PTPRG: variants seen among roughly 807,000 people sequenced by gnomAD.
The protein encoded by PTPRG is receptor-type tyrosine-protein phosphatase gamma.
In PTPRG, 102 loss-of-function variants were observed where a neutral mutation model predicts 165.3. The observed-to-expected ratio is 0.62, with a 90% CI of 0.53 to 0.73. PTPRG has a LOEUF of 0.73. Among genes scored for constraint, PTPRG ranks in the 30% least tolerant of loss-of-function variants. The pLI is 0.00. For synonymous variants in PTPRG, 675 were observed against 669.5 expected (o/e 1.01, Z -0.13); for missense variants, 1,866 against 1,861.4 (o/e 1.00, Z -0.05).
intron 1 of PTPRG, among the ~76,000 whole-genome samples, chr3:61,629,306 C>G (rs1701701712): frequency 6.6e-6 from 1 of 152,236 alleles, no homozygotes; most frequent in African/African-American, 2.4e-5. Flanking sequence ...AGGCACCCAC[C>G]ACCATGACCG....
At chr3:61,913,799 T>C (rs987961782) in intron 2 of PTPRG, among the ~76,000 whole-genome samples, 4 of 152,210 alleles carry the variant, frequency 2.6e-5, no homozygotes, top group African/African-American at 9.7e-5. Context: ...GAAGTGAACA[T>C]ACTTGGTTAT....
At position 62,267,710 on chromosome 3, in the gene PTPRG, T is replaced by A; in HGVS notation, c.2765T>A (p.Ile922Asn). 1 of 1,613,336 alleles carries A rather than the reference T, an allele frequency of 6.2e-7. No individual in the cohort carries two copies. Among genetic ancestry groups the A allele is most frequent in the Non-Finnish European group, 8.5e-7 (1 of 1,179,514 alleles). ...GGTTACAACAAAGCAAAAGCCTACA[T>A]TGCCACCCAAGGACCTTTGAAGTCT... ...VDGYNKAKAY[I>N]ATQGPLKSTF... is the part of the protein sequence containing the mutation. The change falls in exon 19 of 30, where the codon ATT becomes AAT. Residue 922 changes from isoleucine (I) to asparagine (N), a missense_variant. Ile to Asn is a moderately radical substitution (Grantham distance 149, BLOSUM62 -3). Around this residue, in one of 3 missense-constraint regions of PTPRG, gnomAD observed 1,452 missense variants for 1,463.0 expected, o/e 0.99. Transcript: ENST00000474889.
intron 2 of PTPRG, among the ~76,000 whole-genome samples, chr3:61,929,301 TTA>T (rs2039302218): frequency 6.6e-6 from 1 of 152,122 alleles, no homozygotes; most frequent in Admixed American, 6.5e-5. Flanking sequence ...CTATTTCACA[TTA>T]TAAAATTTTT....
intron 8 of PTPRG, among the ~76,000 whole-genome samples, chr3:62,169,041 T>C (rs1209099221): frequency 6.6e-6 from 1 of 152,206 alleles, no homozygotes; most frequent in Non-Finnish European, 1.5e-5. Flanking sequence ...CACGCCATTC[T>C]GCTGTTCTTC....
At chr3:62,024,658 A>G (rs1388850929) in intron 4 of PTPRG, among the ~76,000 whole-genome samples, 1 of 152,148 alleles carries the variant, frequency 6.6e-6, no homozygotes, top group Non-Finnish European at 1.5e-5. Flanking sequence ...TTCATATGTC[A>G]CCCTTTCTTA....
In PTPRG at chr3:62,203,647, C is replaced by T. The variant is rs746634839; in HGVS notation, c.1852C>T (p.Arg618Trp). ...TGGGGTGACCCACGCTGCCGAGGAG[C>T]GGAATCAGACGGAGCCCAGCCCCAC... is the stretch of plus-strand genomic sequence containing the variant. ...KSGVTHAAEE[R>W]NQTEPSPTPS... is the part of the protein sequence containing the mutation. The change falls in exon 12 of 30, where the codon CGG becomes TGG. Residue 618 changes from arginine to tryptophan, a missense_variant. By Grantham distance (101) the Arg-to-Trp change is moderately radical. Around this residue, in one of 3 missense-constraint regions of PTPRG, gnomAD observed 1,452 missense variants for 1,463.0 expected, o/e 0.99. Transcript: ENST00000474889. The surrounding 1 kb of genome is among the most constrained non-coding windows in gnomAD (Gnocchi z 6.4). The T allele has an allele frequency of 2.6e-6, 4 of 1,559,776 alleles. No homozygotes were observed. Among genetic ancestry groups the T allele is most frequent in the South Asian group, 2.4e-5 (2 of 84,752 alleles).
intron 2 of PTPRG, among the ~76,000 whole-genome samples, chr3:61,887,670 A>G (rs977263237): frequency 3.3e-5 from 5 of 152,044 alleles, no homozygotes; most frequent in Admixed American, 2.0e-4. Context: ...TGCAAATTCT[A>G]TGCCATATAT....
At chr3:61,852,456 C>A (rs1468738242) in intron 2 of PTPRG, among the ~76,000 whole-genome samples, 2 of 152,186 alleles carry the variant, frequency 1.3e-5, no homozygotes, top group Admixed American at 6.5e-5. Flanking sequence ...TATGTTTAGA[C>A]AAACCTACTT....
At chr3:62,292,740 G>A (rs1702944661) in intron 29 of PTPRG, 184 bp downstream of exon 29, 1 of 638,210 alleles carries the variant, frequency 1.6e-6, no homozygotes, top group South Asian at 2.1e-5. Context: ...AGCCAGAGAT[G>A]CTGCTAAGCA....
intron 2 of PTPRG, among the ~76,000 whole-genome samples, chr3:61,911,646 G>A (rs2107541534): frequency 6.6e-6 from 1 of 152,004 alleles, no homozygotes; most frequent in East Asian, 1.9e-4. Context: ...TTGTATGATT[G>A]TTTCCCCATT....
intron 1 of PTPRG, among the ~76,000 whole-genome samples, chr3:61,637,058 G>C (rs1559534367): frequency 6.6e-6 from 1 of 152,172 alleles, no homozygotes; most frequent in Non-Finnish European, 1.5e-5. Flanking sequence ...CTGCCACATA[G>C]CTTATTGCTG....
At chr3:61,636,956 C>A (rs1216482119) in intron 1 of PTPRG, among the ~76,000 whole-genome samples, 1 of 152,082 alleles carries the variant, frequency 6.6e-6, no homozygotes, top group African/African-American at 2.4e-5. Flanking sequence ...TTCATTTCAA[C>A]CTTGGGTACT....
At chr3:61,914,507 A>G (rs931506144) in intron 2 of PTPRG, among the ~76,000 whole-genome samples, 4 of 152,226 alleles carry the variant, frequency 2.6e-5, no homozygotes, top group Non-Finnish European at 5.9e-5. Context: ...TAGGAGGCAG[A>G]TACTTGCCTA....
chr3:62,081,550 GC>G (rs1701581946), intron 5 of PTPRG, among the ~76,000 whole-genome samples: 3 of 152,144 alleles, frequency 2.0e-5, no homozygotes, highest in South Asian at 4.2e-4. Context: ...TTGCTTTGTG[GC>G]CCAGCCTAGT....
intron 1 of PTPRG, among the ~76,000 whole-genome samples, chr3:61,711,855 T>C (rs1032330603): frequency 2.0e-5 from 3 of 152,134 alleles, no homozygotes; most frequent in East Asian, 1.9e-4. Context: ...GAAAAAGATA[T>C]GGCCCATCAG....
rs569008222 is a variant in PTPRG at position 62,167,564 on chromosome 3, C to T, written c.841-407C>T. Among the ~76,000 whole-genome samples the T allele has an allele frequency of 9.9e-5, 15 of 152,202 alleles. No homozygotes were observed. In the South Asian group the frequency reaches 2.9e-3, roughly 30 times the overall value. ...TTGTTCAGGTCACAGAGTGGGTAGG[C>T]GATGGAGTTAGTATTCATACCCAGG... On this transcript the variant is annotated intron_variant, in intron 7 of 29. Transcript: ENST00000474889.
At chr3:62,124,525 C>G (rs1258569024) in intron 5 of PTPRG, 2 of 1,549,734 alleles carry the variant, frequency 1.3e-6, no homozygotes, top group South Asian at 2.2e-5. Flanking sequence ...GGTCATCCAC[C>G]GGGGTTTTGC....
At chr3:61,639,036 A>G (rs1575556381) in intron 1 of PTPRG, among the ~76,000 whole-genome samples, 1 of 152,246 alleles carries the variant, frequency 6.6e-6, no homozygotes. Context: ...TAGGATTCTT[A>G]TAGTTCCTGA....
chr3:61,963,921 G>C (rs975929185), intron 2 of PTPRG, among the ~76,000 whole-genome samples: 4 of 152,044 alleles, frequency 2.6e-5, no homozygotes, highest in African/African-American at 9.7e-5. Flanking sequence ...GAATTTGGTA[G>C]AAATTTTGGT....
Sources: allele counts gnomAD v4.1 joint callset (sites outside exome capture counted in the v4.1 genomes callset), GRCh38; gene constraint gnomAD v4.1.1; regional missense constraint gnomAD v4.1.1; non-coding constraint Gnocchi (gnomAD v3.1); transcripts MANE v1.5; gene names NCBI Gene and HGNC (gene_info 2026-07-23, HGNC 2026-07-21).